Variants in NME7 observed in about 807,000 individuals in gnomAD.
NME7 encodes the protein NME/NM23 family member 7, also known as nucleoside diphosphate kinase 7.
Under a neutral mutation model 49.1 loss-of-function variants are expected in NME7, and 41 were observed. The observed-to-expected ratio is 0.83, with a 90% confidence interval of 0.65 to 1.08. The LOEUF is 1.08. Ranked by LOEUF, NME7 falls within the 50% of genes least tolerant of loss-of-function variation. The pLI is 0.00. For missense variants in NME7, 423 were observed against 463.4 expected, an observed-to-expected ratio of 0.91 and a Z score of 0.80; for synonymous variants, 139 against 150.6, an observed-to-expected ratio of 0.92 and a Z score of 0.56.
At chr1:169,237,719 C>A in intron 7 of NME7, 32 bp from the exon 8 acceptor site, 2 of 1,564,220 alleles carry the variant, frequency 1.3e-6, no homozygotes. Context: ...TGAAAAAATA[C>A]AAAATTTTAA....
chr1:169,152,661 C>CTTGA (rs971773365), intron 11 of NME7, among the ~76,000 whole-genome samples: 6 of 152,254 alleles, frequency 3.9e-5, no homozygotes, highest in African/African-American at 1.4e-4. Context: ...AGAATTACAC[C>CTTGA]TTGATAGTAG....
chr1:169,307,124 G>A (rs1651200977), intron 4 of NME7, among the ~76,000 whole-genome samples: 1 of 152,198 alleles, frequency 6.6e-6, no homozygotes, highest in Admixed American at 6.5e-5. Flanking sequence ...ATGAAGAAGA[G>A]TATAGATTTT....
At chr1:169,159,124 G>GT (rs2101831731) in intron 11 of NME7, among the ~76,000 whole-genome samples, 1 of 152,252 alleles carries the variant, frequency 6.6e-6, no homozygotes, top group South Asian at 2.1e-4. Context: ...GAGGGCTCTG[G>GT]TTTTTGGAAA....
intron 9 of NME7, among the ~76,000 whole-genome samples, chr1:169,231,211 A>G (rs1349062661): frequency 6.6e-6 from 1 of 152,244 alleles, no homozygotes; most frequent in Non-Finnish European, 1.5e-5. Context: ...TCTAGCAACA[A>G]GAAATAATAG....
intron 7 of NME7, among the ~76,000 whole-genome samples, chr1:169,278,761 T>A (rs1200393831): frequency 6.6e-6 from 1 of 152,222 alleles, no homozygotes; most frequent in Non-Finnish European, 1.5e-5. Context: ...AGAGGCACTC[T>A]GCTTTTTAGA....
rs560667194 is a variant in NME7, at chr1:169,322,653, G to A, written c.278+464C>T. Among the ~76,000 whole-genome samples, 27 of 147,174 alleles carry A rather than the reference G, an allele frequency of 1.8e-4. No homozygotes were observed. In the East Asian group the frequency reaches 3.4e-3, roughly 18 times the overall value. ...CACATTGTCATTTTTCAATTGATCC[G>A]TTGGTCAACATCTATTAGATATAAA... is the stretch of plus-strand genomic sequence containing the variant. On this transcript the variant is annotated intron_variant, in intron 3 of 11. Coordinates refer to ENST00000367811, the MANE Select transcript of NME7 (RefSeq NM_013330.5).
chr1:169,163,174 T>C (rs929518507), intron 11 of NME7, among the ~76,000 whole-genome samples: 9 of 152,066 alleles, frequency 5.9e-5, no homozygotes, highest in South Asian at 2.1e-4. Context: ...CTCTCACAAG[T>C]ATCACTGGTG....
intron 1 of NME7, among the ~76,000 whole-genome samples, chr1:169,335,621 G>A (rs113933439): frequency 1.5e-3 from 223 of 151,136 alleles, no homozygotes; most frequent in African/African-American, 5.2e-3. Flanking sequence ...CATGGCACAT[G>A]TGTACCTATG....
chr1:169,255,559 T>C (rs1450506451), intron 7 of NME7, among the ~76,000 whole-genome samples: 1 of 127,262 alleles, frequency 7.9e-6, no homozygotes. Context: ...TTTAGTCCAT[T>C]TACATTTAAA....
chr1:169,247,681 G>A (rs1319231693), intron 7 of NME7, among the ~76,000 whole-genome samples: 3 of 151,946 alleles, frequency 2.0e-5, no homozygotes, highest in Admixed American at 2.0e-4. Context: ...ATAGAATTCT[G>A]TATGCCTTTG....
intron 3 of NME7, among the ~76,000 whole-genome samples, chr1:169,310,462 T>C (rs1053155569): frequency 6.6e-6 from 1 of 152,208 alleles, no homozygotes; most frequent in African/African-American, 2.4e-5. Flanking sequence ...TTTTGGTCTC[T>C]TAGACTTCAA....
Position 169,258,289 on chromosome 1 carries a change from A to C in NME7, c.755-20602T>G. On this transcript the variant is annotated intron_variant, in intron 7 of 11. Coordinates refer to ENST00000367811, the MANE Select transcript of NME7 (RefSeq NM_013330.5). ...TGCAGGAGGTTGTGGTTGAGGTTCC[A>C]GTGAGCTATGATCAGGTCACTGCAC... Among the ~76,000 whole-genome samples the C allele has an allele frequency of 1.6e-5, 2 of 124,770 alleles. 1 individual carries two copies. The highest frequency in any genetic ancestry group is 3.7e-5 in the Non-Finnish European group (2 of 53,662). 81.9% of individuals were successfully genotyped at this position (124,770 alleles called of 152,430 possible). A position where few individuals can be genotyped will look rare whatever the true frequency, so the allele number is the denominator to read the frequency against.
intron 6 of NME7, among the ~76,000 whole-genome samples, chr1:169,293,333 A>C (rs1385486937): frequency 6.6e-6 from 1 of 151,694 alleles, no homozygotes; most frequent in Non-Finnish European, 1.5e-5. Context: ...TAGTCAGTTC[A>C]GTTTCAAATG....
chr1:169,275,349 C>A lies in NME7; in HGVS notation c.754+11954G>T, dbSNP rs1409346917. ...CAAAAATTAGCCGGGCATGGTGGCG[C>A]GTGCCTGTAGTCCCAGCTACACAGG... On this transcript the variant is annotated intron_variant, in intron 7 of 11. Transcript: ENST00000367811. 7.8e-5 allele frequency among the ~76,000 whole-genome samples: 10 copies of A among 128,450 alleles called. 1 individual carries two copies. The highest frequency in any genetic ancestry group is 2.6e-4 in the African/African-American group (10 of 38,358). The allele number at this position is 128,450 out of a possible 152,430, so 84.3% of individuals were successfully genotyped here. A position where few individuals can be genotyped will look rare whatever the true frequency, so the allele number is the denominator to read the frequency against.
intron 10 of NME7, among the ~76,000 whole-genome samples, chr1:169,206,051 C>T (rs908922327): frequency 6.6e-6 from 1 of 151,984 alleles, no homozygotes; most frequent in African/African-American, 2.4e-5. Context: ...CTTCTCTGTC[C>T]ATTCTACTTA....
chr1:169,142,631 A>C (rs17349222), intron 11 of NME7, among the ~76,000 whole-genome samples: 45,475 of 152,136 alleles, frequency 0.3, 7,840 homozygotes, highest in Non-Finnish European at 0.4. Flanking sequence ...TGTTCTATAC[A>C]CTAAGCCATG....
chr1:169,213,852 A>AC (rs1557991080), intron 10 of NME7, among the ~76,000 whole-genome samples: 18 of 151,106 alleles, frequency 1.2e-4, no homozygotes, highest in Non-Finnish European at 1.8e-4. Flanking sequence ...TATACACACA[A>AC]ACATACACAC....
At chr1:169,296,711 C>T (rs1650722652) in intron 6 of NME7, among the ~76,000 whole-genome samples, 1 of 151,672 alleles carries the variant, frequency 6.6e-6, no homozygotes, top group Non-Finnish European at 1.5e-5. Context: ...CACAGTTTTC[C>T]TCATTTCAGT....
intron 7 of NME7, among the ~76,000 whole-genome samples, chr1:169,256,136 C>T (rs1236545512): frequency 1.5e-5 from 2 of 133,394 alleles, no homozygotes; most frequent in African/African-American, 5.1e-5. Flanking sequence ...GGAAGTTCTC[C>T]TGGATAATAT....
Sources: allele counts gnomAD v4.1 joint callset (sites outside exome capture counted in the v4.1 genomes callset), GRCh38; gene constraint gnomAD v4.1.1; transcripts MANE v1.5; gene names NCBI Gene and HGNC (gene_info 2026-07-23, HGNC 2026-07-21).